The following PCDHA3 variants were observed in gnomAD, a reference collection of about 807,000 sequenced individuals.
PCDHA3 encodes the protein protocadherin alpha 3, also known as protocadherin alpha-3.
A neutral mutation model predicts 62.2 loss-of-function variants in PCDHA3; 41 were observed. That is an observed-to-expected ratio of 0.66 (90% CI 0.51 to 0.86). The LOEUF is 0.86. Ranked by LOEUF, PCDHA3 falls within the 40% of genes least tolerant of loss-of-function variation. The pLI is 0.00. For synonymous variants in PCDHA3, 640 were observed against 555.4 expected (o/e 1.15, Z -2.14); for missense variants, 1,304 against 1,241.2 (o/e 1.05, Z -0.76).
intron 1 of PCDHA3, chr5:140,814,179 A>G (rs1765453149): frequency 6.6e-6 from 1 of 152,078 alleles, no homozygotes; most frequent in South Asian, 2.0e-4. Context: ...AGTTTTTTTG[A>G]CTTTTAATTT....
At chr5:140,926,373 G>T (rs1040164585) in intron 1 of PCDHA3, 1 of 152,370 alleles carries the variant, frequency 6.6e-6, no homozygotes, top group African/African-American at 2.4e-5. Flanking sequence ...GGCAGGAAGA[G>T]CCCAGCTGGG....
At chr5:140,952,970 T>C (rs2094826762) in intron 1 of PCDHA3, among the ~76,000 whole-genome samples, 1 of 152,000 alleles carries the variant, frequency 6.6e-6, no homozygotes, top group Non-Finnish European at 1.5e-5. Context: ...TACACACTTT[T>C]AAACAACAAG....
At chr5:140,850,839 T>A in intron 1 of PCDHA3, 1 of 1,597,606 alleles carries the variant, frequency 6.3e-7, no homozygotes, top group Non-Finnish European at 8.6e-7. Context: ...TTGTGCTGGA[T>A]CTACAGAGCG....
In PCDHA3 at chr5:140,823,487, G is replaced by C. The variant is rs150930880; in HGVS notation, c.2394+19896G>C. The C allele has an allele frequency of 9.5e-5, 154 of 1,613,262 alleles. No homozygotes were observed. In the African/African-American group the frequency reaches 1.7e-3, roughly 18 times the overall value. On this transcript the variant is annotated intron_variant, in intron 1 of 3. Transcript: ENST00000522353. ...GCGCTGCTGGTGCCTCGAGTGGGTG[G>C]CACCGGCGGCGCAGTGAGCGAGCTG...
At chr5:140,841,942 G>C in intron 1 of PCDHA3, 1 of 1,613,920 alleles carries the variant, frequency 6.2e-7, no homozygotes, top group South Asian at 1.1e-5. Flanking sequence ...ACGCTCCTGC[G>C]CACCACTTAT....
At chr5:140,908,103 TC>T (rs1554193224) in intron 1 of PCDHA3, among the ~76,000 whole-genome samples, 2 of 152,192 alleles carry the variant, frequency 1.3e-5, no homozygotes, top group Non-Finnish European at 2.9e-5. Flanking sequence ...TGAAGTTCTG[TC>T]CACTGGGAAG....
intron 1 of PCDHA3, chr5:140,870,762 C>T (rs1581982773): frequency 1.2e-6 from 2 of 1,613,514 alleles, no homozygotes; most frequent in East Asian, 2.2e-5. Context: ...TGCAGGTGTT[C>T]GTGCTGGACG....
Position 140,858,211 on chromosome 5 carries a change from C to T in PCDHA3, c.2394+54620C>T, listed in dbSNP as rs368039385. On this transcript the variant is annotated intron_variant, in intron 1 of 3. Transcript: ENST00000522353. ...TGCTGCTGTACACTGCACTGAGGTG[C>T]TCGGCGGCGCCCACCGAGGGCGCAT... 10 of 1,594,094 alleles carry T rather than the reference C, an allele frequency of 6.3e-6. 2 individuals are homozygous for T. Among genetic ancestry groups the T allele is most frequent in the Non-Finnish European group, 8.6e-6 (10 of 1,165,544 alleles).
intron 3 of PCDHA3, among the ~76,000 whole-genome samples, chr5:140,985,879 A>G (rs539308826): frequency 6.6e-6 from 1 of 151,504 alleles, no homozygotes; most frequent in Non-Finnish European, 1.5e-5. Context: ...AGCTGGGACT[A>G]CAGGCGCCCG....
chr5:140,890,550 C>A (rs1162286556), intron 1 of PCDHA3, among the ~76,000 whole-genome samples: 1 of 151,958 alleles, frequency 6.6e-6, no homozygotes, highest in Admixed American at 6.6e-5. Context: ...TGACTGAGTA[C>A]TTTTTATTGT....
intron 1 of PCDHA3, among the ~76,000 whole-genome samples, chr5:140,941,214 C>CTTT (rs1554214039): frequency 0.031 from 3,845 of 122,336 alleles, 93 homozygotes; most frequent in South Asian, 0.048. Flanking sequence ...TTTCTTTCTT[C>CTTT]CTTTCTTTCT....
At chr5:140,810,395 T>C (rs1764651195) in intron 1 of PCDHA3, 1 of 152,204 alleles carries the variant, frequency 6.6e-6, no homozygotes, top group East Asian at 1.9e-4. Flanking sequence ...TCTTTGTCTT[T>C]TGTAGCTAAC....
chr5:140,910,127 C>T (rs1323587900), intron 1 of PCDHA3, among the ~76,000 whole-genome samples: 5 of 152,202 alleles, frequency 3.3e-5, no homozygotes, highest in African/African-American at 1.2e-4. Context: ...GGTCTGTAAA[C>T]TGGTTTAAGT....
intron 1 of PCDHA3, chr5:140,926,849 C>A: frequency 6.6e-7 from 1 of 1,517,430 alleles, no homozygotes. Flanking sequence ...CCTGGGTCAC[C>A]GTTGGTGTAG....
chr5:140,905,493 T>C (rs185992010), intron 1 of PCDHA3, among the ~76,000 whole-genome samples: 10 of 152,288 alleles, frequency 6.6e-5, no homozygotes, highest in Non-Finnish European at 1.5e-4. Context: ...CTTCTTTTTG[T>C]TTTGTATTGC....
At chr5:140,820,411 T>G (rs72800974) in intron 1 of PCDHA3, among the ~76,000 whole-genome samples, 2 of 151,990 alleles carry the variant, frequency 1.3e-5, no homozygotes, top group Non-Finnish European at 2.9e-5. Context: ...ATTTTAAATG[T>G]AAAAGTATCC....
In PCDHA3 at chr5:140,802,544, C is replaced by T. The variant is rs374473436; in HGVS notation, c.1347C>T (p.Asn449=). The change falls in exon 1 of 4, where the codon AAC becomes AAT. Residue 449 remains asparagine (N), a synonymous_variant. Transcript: ENST00000522353. ...TGTCCGTGGAGGTGGCCGACGTGAA[C>T]GACAATGCGCCGGCATTCTCGCAGT... is the stretch of plus-strand genomic sequence containing the variant. ...ASVSVEVADV[N]DNAPAFSQSE... 5 of 1,614,192 alleles carry T rather than the reference C, an allele frequency of 3.1e-6. No individual in the cohort carries two copies. The highest frequency in any genetic ancestry group is 3.4e-6 in the Non-Finnish European group (4 of 1,180,048).
intron 1 of PCDHA3, among the ~76,000 whole-genome samples, chr5:140,878,675 G>C (rs1582445027): frequency 6.6e-6 from 1 of 152,048 alleles, no homozygotes; most frequent in East Asian, 1.9e-4. Flanking sequence ...TTTAACCAGG[G>C]AATAAAGTCT....
intron 1 of PCDHA3, chr5:140,828,834 A>G: frequency 1.9e-6 from 3 of 1,614,222 alleles, no homozygotes; most frequent in Non-Finnish European, 2.5e-6. Flanking sequence ...TCTGAATACG[A>G]AGTAAGAATA....
Sources: gnomAD v4.1 joint callset for allele counts (sites outside exome capture counted in the v4.1 genomes callset) on GRCh38, gnomAD v4.1.1 for gene constraint, MANE v1.5 for transcripts, NCBI Gene and HGNC (gene_info 2026-07-23, HGNC 2026-07-21) for gene names.